Variants in AFF2 observed in about 807,000 individuals in gnomAD.
AFF2 encodes the protein ALF transcription elongation factor 2, also known as AF4/FMR2 family member 2.
Under a neutral mutation model 76.9 loss-of-function variants are expected in AFF2, and 14 were observed. The observed-to-expected ratio is 0.18, with a 90% CI of 0.12 to 0.28. The LOEUF (loss-of-function observed/expected upper bound fraction) is 0.28. Among genes scored for constraint, AFF2 ranks in the 10% least tolerant of loss-of-function variants. The pLI, the probability that AFF2 is intolerant of heterozygous loss-of-function variation, is 1.00. For missense variants in AFF2, 868 were observed against 1,001.1 expected, an observed-to-expected ratio of 0.87 and a Z score of 1.79; for synonymous variants, 398 against 366.7, an observed-to-expected ratio of 1.09 and a Z score of -0.98.
At chrX:148,701,025 T>TGTGC (rs1445634072) in intron 3 of AFF2, among the ~76,000 whole-genome samples, 1 of 107,423 alleles carries the variant, frequency 9.3e-6, no homozygotes, top group South Asian at 4.2e-4. Flanking sequence ...TGTGTGTGTG[T>TGTGC]GTGTGTGTGT....
At chrX:148,616,286 C>T (rs782524418) in intron 1 of AFF2, among the ~76,000 whole-genome samples, 7 of 111,848 alleles carry the variant, frequency 6.3e-5, no homozygotes, top group Admixed American at 9.5e-5. Flanking sequence ...CATTGAACTT[C>T]TCTTTGCAGC....
chrX:148,553,820 C>T (rs1354425265), intron 1 of AFF2, among the ~76,000 whole-genome samples: 2 of 112,307 alleles, frequency 1.8e-5, no homozygotes, highest in Admixed American at 9.4e-5. Context: ...CTACAGAGTG[C>T]TCCCAAGAGA....
At chrX:148,981,007 A>G (rs1252561355) in intron 19 of AFF2, among the ~76,000 whole-genome samples, 2 of 112,244 alleles carry the variant, frequency 1.8e-5, no homozygotes, top group Admixed American at 9.4e-5. Context: ...AAGCCAAATT[A>G]TAGCCATAAA....
At chrX:148,748,668 G>T (rs782612608) in intron 3 of AFF2, among the ~76,000 whole-genome samples, 1 of 111,618 alleles carries the variant, frequency 9.0e-6, no homozygotes, top group Non-Finnish European at 1.9e-5. Flanking sequence ...GGGAAGATGG[G>T]CTACCTTGAC....
chrX:148,637,406 A>G (rs2054043013), intron 1 of AFF2, among the ~76,000 whole-genome samples: 1 of 112,436 alleles, frequency 8.9e-6, no homozygotes, highest in African/African-American at 3.2e-5. Flanking sequence ...TTAGACTGTT[A>G]CAACAAACCC....
At chrX:148,562,753 C>G (rs918780409) in intron 1 of AFF2, among the ~76,000 whole-genome samples, 11 of 111,586 alleles carry the variant, frequency 9.9e-5, no homozygotes, top group African/African-American at 3.6e-4. Context: ...ATTCCTTCCC[C>G]TATCTCTTTT....
rs1557292738 is a variant in AFF2 at position 148,994,426 on chromosome X, G to A, written c.*3094G>A. 1 of 112,487 alleles carries A rather than the reference G, an allele frequency of 8.9e-6. No homozygotes were observed. The highest frequency in any genetic ancestry group is 3.2e-5 in the African/African-American group (1 of 30,852). The allele number at this position is 112,487 out of a possible 1,213,427, so 9.3% of individuals were successfully genotyped here. A position where few individuals can be genotyped will look rare whatever the true frequency, so the allele number is the denominator to read the frequency against. On this transcript the variant is annotated 3_prime_UTR_variant, in exon 21 of 21. Coordinates refer to ENST00000370460, the MANE Select transcript of AFF2 (RefSeq NM_002025.4). ...CTGTAAGCATGTTGTTAGCCAGCCTGTAGACTGTTAATTACTTAATAATCT... is the reference window on the plus strand; with the variant it reads ...CTGTAAGCATGTTGTTAGCCAGCCTATAGACTGTTAATTACTTAATAATCT...
At chrX:148,721,800 C>T (rs782499390) in intron 3 of AFF2, among the ~76,000 whole-genome samples, 14 of 112,148 alleles carry the variant, frequency 1.2e-4, no homozygotes, top group Non-Finnish European at 2.6e-4. Flanking sequence ...GGGGAAGATA[C>T]TTCCTTACAT....
rs58772444 is a variant in AFF2, at chrX:148,629,101, TTGTGTG to T, written c.48-22874_48-22869del. On this transcript the variant is annotated intron_variant, in intron 1 of 20. Transcript: ENST00000370460. ...TGAATTACAACTATATGACAAGAGT[TTGTGTG>T]TGTGTGTGTGTGTGTGTGTGTGTTC... Among the ~76,000 whole-genome samples, 630 of 102,856 alleles carry T rather than the reference TTGTGTG, an allele frequency of 6.1e-3. 6 individuals carry two copies. The highest frequency in any genetic ancestry group is 0.021 in the African/African-American group (595 of 28,353). The allele number at this position is 102,856 out of a possible 115,157, so 89.3% of individuals were successfully genotyped here.
At chrX:148,858,360 C>A (rs782228168) in intron 7 of AFF2, among the ~76,000 whole-genome samples, 2 of 111,470 alleles carry the variant, frequency 1.8e-5, no homozygotes, top group East Asian at 5.7e-4. Flanking sequence ...TTGAAGCAAA[C>A]CTCTCACAGA....
intron 1 of AFF2, among the ~76,000 whole-genome samples, chrX:148,504,291 G>T (rs1557232218): frequency 9.0e-6 from 1 of 110,572 alleles, no homozygotes; most frequent in African/African-American, 3.3e-5. Flanking sequence ...TTCTTCATTG[G>T]AAGGAAGGAA....
chrX:148,661,844 A>C (rs185815565), intron 2 of AFF2, 64 bp from the exon 3 acceptor site: 2 of 1,055,678 alleles, frequency 1.9e-6, no homozygotes, highest in East Asian at 6.1e-5. Context: ...TTGAAACATT[A>C]ACATTAGGAA....
chrX:148,985,478 C>A (rs1332905922), intron 19 of AFF2, among the ~76,000 whole-genome samples: 1 of 108,097 alleles, frequency 9.3e-6, no homozygotes, highest in Non-Finnish European at 1.9e-5. Flanking sequence ...CTTCTTTCGA[C>A]ATTTGTGGCA....
intron 11 of AFF2, 31 bp downstream of exon 11, chrX:148,956,644 T>A: frequency 1.7e-6 from 2 of 1,155,242 alleles, no homozygotes; most frequent in Non-Finnish European, 2.3e-6. Flanking sequence ...TGCCAAGTGC[T>A]TGTGAGCAGT....
intron 4 of AFF2, among the ~76,000 whole-genome samples, chrX:148,814,165 G>A (rs1181514703): frequency 9.0e-6 from 1 of 111,515 alleles, no homozygotes; most frequent in East Asian, 2.8e-4. Flanking sequence ...ATCATCTGAG[G>A]GATTCCTAGG....
intron 1 of AFF2, among the ~76,000 whole-genome samples, chrX:148,528,546 G>A (rs1425967172): frequency 9.0e-6 from 1 of 111,370 alleles, no homozygotes; most frequent in Non-Finnish European, 1.9e-5. Context: ...GAAAGGCAGA[G>A]TGGAAATTGG....
In AFF2 at chrX:148,603,145, T is replaced by G. The variant is rs782723930; in HGVS notation, c.48-48854T>G. On this transcript the variant is annotated intron_variant, in intron 1 of 20. Coordinates refer to ENST00000370460, the MANE Select transcript of AFF2 (RefSeq NM_002025.4). Reference sequence around the variant, plus strand: ...GAAATAACAATATAGGAAAAGTAAATTCTACACTAAACCAAATTCTTTTAG... The same window carrying G: ...GAAATAACAATATAGGAAAAGTAAAGTCTACACTAAACCAAATTCTTTTAG... Among the ~76,000 whole-genome samples, 3 of 111,323 alleles carry G rather than the reference T, an allele frequency of 2.7e-5. No individual in the cohort carries two copies. In the East Asian group the frequency reaches 8.5e-4, roughly 32 times the overall value.
At chrX:148,684,002 C>T (rs1476742636) in intron 3 of AFF2, among the ~76,000 whole-genome samples, 1 of 111,630 alleles carries the variant, frequency 9.0e-6, no homozygotes, top group Non-Finnish European at 1.9e-5. Flanking sequence ...ATTAATTTCA[C>T]CCATACTTAA....
At chrX:148,741,475 C>T (rs955697782) in intron 3 of AFF2, among the ~76,000 whole-genome samples, 38 of 110,898 alleles carry the variant, frequency 3.4e-4, no homozygotes, top group African/African-American at 1.2e-3. Flanking sequence ...TGGTCAGTCT[C>T]ACCCCCACTG....
Sources: gnomAD v4.1 joint callset for allele counts (sites outside exome capture counted in the v4.1 genomes callset) on GRCh38, gnomAD v4.1.1 for gene constraint, MANE v1.5 for transcripts, NCBI Gene and HGNC (gene_info 2026-07-23, HGNC 2026-07-21) for gene names.